GALNT13: variants seen among roughly 807,000 people sequenced by gnomAD.
The protein encoded by GALNT13 is polypeptide N-acetylgalactosaminyltransferase 13, also known as UDP-GalNAc:polypeptide N-acetylgalactosaminyltransferase 13.
Under a neutral mutation model 64.2 loss-of-function variants are expected in GALNT13, and 28 were observed. The observed-to-expected ratio is 0.44, with a 90% CI of 0.32 to 0.60. The LOEUF (loss-of-function observed/expected upper bound fraction) is 0.60, where lower values mean the gene tolerates loss of function less well. GALNT13 is among the 20% of genes least tolerant of loss of function. The pLI, the probability that GALNT13 is intolerant of heterozygous loss-of-function variation, is 0.05. For missense variants in GALNT13, 577 were observed against 669.8 expected, an observed-to-expected ratio of 0.86 and a Z score of 1.53; for synonymous variants, 214 against 224.6, an observed-to-expected ratio of 0.95 and a Z score of 0.42.
intron 2 of GALNT13, among the ~76,000 whole-genome samples, chr2:153,939,557 G>C (rs1574159289): frequency 6.6e-6 from 1 of 152,140 alleles, no homozygotes; most frequent in South Asian, 2.1e-4. Context: ...GTAAAACCTT[G>C]TGTGACTCAT....
At chr2:154,357,131 G>A (rs1408279146) in intron 9 of GALNT13, among the ~76,000 whole-genome samples, 6 of 151,790 alleles carry the variant, frequency 4.0e-5, no homozygotes, top group South Asian at 2.1e-4. Context: ...TTTTGGGGAC[G>A]TACATTTCCA....
chr2:153,273,107 C>A, the GALNT13 span, among the ~76,000 whole-genome samples: 5 of 152,088 alleles, frequency 3.3e-5, no homozygotes, highest in South Asian at 2.1e-4. Context: ...GGGAGGGGAA[C>A]AATACACACC....
the GALNT13 span, among the ~76,000 whole-genome samples, chr2:153,200,239 G>C: frequency 6.6e-6 from 1 of 152,214 alleles, no homozygotes; most frequent in Non-Finnish European, 1.5e-5. Flanking sequence ...AGTATTGCCA[G>C]GTGAAGAGCA....
the GALNT13 span, among the ~76,000 whole-genome samples, chr2:153,248,296 C>A: frequency 6.6e-6 from 1 of 152,052 alleles, no homozygotes; most frequent in Admixed American, 6.6e-5. Flanking sequence ...TGATGAAAAT[C>A]GATGTGAAAA....
the GALNT13 span, among the ~76,000 whole-genome samples, chr2:153,086,541 A>G: frequency 6.6e-6 from 1 of 152,226 alleles, no homozygotes; most frequent in South Asian, 2.1e-4. Context: ...CTGCCATGTA[A>G]GATGTGAATT....
intron 4 of GALNT13, among the ~76,000 whole-genome samples, chr2:154,221,608 G>A (rs1429758225): frequency 1.3e-5 from 2 of 151,960 alleles, no homozygotes; most frequent in African/African-American, 4.8e-5. Context: ...AGAATGAAAG[G>A]CAATTCTATT....
At chr2:153,702,065 G>A in the GALNT13 span, among the ~76,000 whole-genome samples, 3 of 152,126 alleles carry the variant, frequency 2.0e-5, no homozygotes, top group East Asian at 1.9e-4. Flanking sequence ...CAATAGCAAA[G>A]ACATGGAAAC....
chr2:154,396,024 T>C lies in GALNT13; in HGVS notation c.1190T>C (p.Val397Ala). 2 of 1,609,904 alleles carry C rather than the reference T, an allele frequency of 1.2e-6. No individual in the cohort carries two copies. The highest frequency in any genetic ancestry group is 1.7e-6 in the Non-Finnish European group (2 of 1,178,208). The part of the protein sequence containing the change: ...VVKVDYGDVS[V>A]RKTLRENLKC... ...AAAGTGGATTATGGAGATGTGTCAG[T>C]CAGAAAAACACTAAGAGAAAATCTG... Residue 397 changes from valine to alanine, a missense_variant, in exon 10 of 13, where the codon GTC (valine) becomes GCC (alanine). This residue lies in a region of GALNT13 where 232 missense variants were observed against 270.6 expected (regional missense o/e 0.86). Transcript: ENST00000392825.
the GALNT13 span, among the ~76,000 whole-genome samples, chr2:153,500,344 CT>C: frequency 6.6e-6 from 1 of 152,132 alleles, no homozygotes; most frequent in African/African-American, 2.4e-5. Flanking sequence ...GTAAGGACAG[CT>C]CAAAAGTCCT....
At chr2:153,845,842 T>A in the GALNT13 span, among the ~76,000 whole-genome samples, 2 of 151,900 alleles carry the variant, frequency 1.3e-5, no homozygotes, top group African/African-American at 4.8e-5. Flanking sequence ...ACACAAGTTG[T>A]AGAAGTAAAC....
the GALNT13 span, among the ~76,000 whole-genome samples, chr2:153,487,416 C>T: frequency 6.6e-6 from 1 of 152,226 alleles, no homozygotes; most frequent in South Asian, 2.1e-4. Flanking sequence ...CCAACCATTT[C>T]TCTTTTCCCT....
the GALNT13 span, among the ~76,000 whole-genome samples, chr2:153,092,966 T>C: frequency 6.6e-6 from 1 of 152,282 alleles, no homozygotes; most frequent in East Asian, 1.9e-4. Flanking sequence ...TTTTCCCATT[T>C]AATATATTAG....
chr2:154,177,652 G>A (rs1016895274), intron 4 of GALNT13, among the ~76,000 whole-genome samples: 2 of 152,170 alleles, frequency 1.3e-5, no homozygotes, highest in Non-Finnish European at 2.9e-5. Context: ...GGGATACTGT[G>A]CAGTAGGAAT....
At chr2:153,677,928 C>G in the GALNT13 span, among the ~76,000 whole-genome samples, 1 of 151,946 alleles carries the variant, frequency 6.6e-6, no homozygotes, top group Non-Finnish European at 1.5e-5. Flanking sequence ...CCATAAAACC[C>G]TTGAAGAAAA....
At chr2:154,304,157 A>G (rs1693605832) in intron 9 of GALNT13, among the ~76,000 whole-genome samples, 1 of 152,210 alleles carries the variant, frequency 6.6e-6, no homozygotes, top group Non-Finnish European at 1.5e-5. Context: ...GGGGCATTGT[A>G]TGTTTAAGTG....
chr2:153,807,441 T>G, the GALNT13 span, among the ~76,000 whole-genome samples: 1 of 151,930 alleles, frequency 6.6e-6, no homozygotes, highest in Non-Finnish European at 1.5e-5. Flanking sequence ...CATATGATAT[T>G]TCTTAGAATG....
the GALNT13 span, among the ~76,000 whole-genome samples, chr2:153,171,558 T>A: frequency 7.2e-5 from 11 of 152,166 alleles, no homozygotes; most frequent in Non-Finnish European, 1.6e-4. Flanking sequence ...TGAAATATAT[T>A]ATACTTCATT....
the GALNT13 span, among the ~76,000 whole-genome samples, chr2:153,219,718 AT>A: frequency 6.6e-6 from 1 of 152,302 alleles, no homozygotes; most frequent in East Asian, 1.9e-4. Flanking sequence ...ACACATGATC[AT>A]TTTTCATCTG....
chr2:153,243,859 G>C, the GALNT13 span, among the ~76,000 whole-genome samples: 1 of 151,988 alleles, frequency 6.6e-6, no homozygotes, highest in South Asian at 2.1e-4. Context: ...CTGAATAACA[G>C]GGTTTTCTTA....
Sources: allele counts gnomAD v4.1 joint callset (sites outside exome capture counted in the v4.1 genomes callset), GRCh38; gene constraint gnomAD v4.1.1; regional missense constraint gnomAD v4.1.1; transcripts MANE v1.5; gene names NCBI Gene and HGNC (gene_info 2026-07-23, HGNC 2026-07-21).